The following METTL24 variants were observed in gnomAD, a reference collection of about 807,000 sequenced individuals.
The protein encoded by METTL24 is probable methyltransferase-like protein 24.
Under a neutral mutation model 32.7 loss-of-function variants are expected in METTL24, and 29 were observed. That is an observed-to-expected ratio of 0.89 (90% CI 0.66 to 1.21). METTL24 has a LOEUF of 1.21. Ranked by LOEUF, METTL24 falls within the 50% of genes most tolerant of loss-of-function variation. The pLI, the probability that METTL24 is intolerant of heterozygous loss-of-function variation, is 0.00. For missense variants in METTL24, 439 were observed against 468.1 expected (o/e 0.94, Z 0.57); for synonymous variants, 163 against 179.5 (o/e 0.91, Z 0.73).
Position 110,246,002 on chromosome 6 carries a change from TG to T in METTL24, c.1044del (p.Asp348GlufsTer11). ...GTATAACAGCTACTTGCATTGAAAA[TG>T]TCTTTCTTCAAGAATAGCTGAGGTT... is the stretch of plus-strand genomic sequence containing the variant. ...LSKPQLFLKKDIFNASSCYTL... is the reference protein window; with the variant it reads ...LSKPQLFLKKXIFNASSCYTL... On this transcript the variant is annotated frameshift_variant, in exon 5 of 5. Coordinates refer to ENST00000338882, the MANE Select transcript of METTL24 (RefSeq NM_001123364.3). LOFTEE classifies it high-confidence loss of function. The T allele has an allele frequency of 6.2e-7, 1 of 1,614,212 alleles. No homozygotes were observed. Among genetic ancestry groups the T allele is most frequent in the Non-Finnish European group, 8.5e-7 (1 of 1,180,022 alleles).
At chr6:110,319,396 T>C (rs1771887881) in intron 2 of METTL24, among the ~76,000 whole-genome samples, 1 of 148,496 alleles carries the variant, frequency 6.7e-6, no homozygotes, top group South Asian at 2.2e-4. Flanking sequence ...GATAGATGGG[T>C]AGATAACTAG....
rs576956404 is a variant in METTL24, at chr6:110,283,751, T to C, written c.786+15171A>G. Among the ~76,000 whole-genome samples the C allele has an allele frequency of 2.6e-5, 4 of 152,292 alleles. No individual in the cohort carries two copies. The South Asian group carries it at 6.2e-4, about 24-fold the overall frequency. On this transcript the variant is annotated intron_variant, in intron 4 of 4. Coordinates refer to ENST00000338882, the MANE Select transcript of METTL24 (RefSeq NM_001123364.3). ...GGAGTGTAAAATTATGTACCTGCTA[T>C]GGAAAACAGTTATGGTGGTTCCTCA...
chr6:110,340,829 G>A (rs752484323), intron 1 of METTL24, among the ~76,000 whole-genome samples: 20 of 152,078 alleles, frequency 1.3e-4, no homozygotes, highest in South Asian at 2.1e-4. Flanking sequence ...CCTGCTGTAC[G>A]TTCTCTATTT....
chr6:110,322,680 G>C, intron 2 of METTL24, 94 bp downstream of exon 2: 1 of 954,470 alleles, frequency 1.0e-6, no homozygotes, highest in South Asian at 1.6e-5. Flanking sequence ...TCCTCATCAG[G>C]AGTCGCTGAG....
At chr6:110,338,046 G>T (rs1410139918) in intron 1 of METTL24, among the ~76,000 whole-genome samples, 1 of 152,198 alleles carries the variant, frequency 6.6e-6, no homozygotes, top group Non-Finnish European at 1.5e-5. Flanking sequence ...TTAAATGCCA[G>T]GGAGGAAAGA....
chr6:110,286,242 G>T (rs1447662619), intron 4 of METTL24, among the ~76,000 whole-genome samples: 1 of 152,154 alleles, frequency 6.6e-6, no homozygotes, highest in Non-Finnish European at 1.5e-5. Context: ...ACAAAAGAGG[G>T]TGCGGGATTT....
chr6:110,317,711 C>T (rs531917005), intron 2 of METTL24, among the ~76,000 whole-genome samples: 1 of 152,158 alleles, frequency 6.6e-6, no homozygotes, highest in East Asian at 1.9e-4. Flanking sequence ...GTTTGCAGGA[C>T]CTTGCTCATC....
intron 3 of METTL24, among the ~76,000 whole-genome samples, chr6:110,313,897 A>G (rs567549853): frequency 6.6e-6 from 1 of 152,330 alleles, no homozygotes; most frequent in East Asian, 1.9e-4. Context: ...GTATGTGCCA[A>G]GCTCCACCAA....
intron 3 of METTL24, among the ~76,000 whole-genome samples, chr6:110,302,432 C>T (rs1331018417): frequency 7.3e-6 from 1 of 136,338 alleles, no homozygotes; most frequent in African/African-American, 3.0e-5. Flanking sequence ...TATACACACA[C>T]ATATGTGTAT....
chr6:110,256,181 AACAC>A (rs955326125), intron 4 of METTL24, among the ~76,000 whole-genome samples: 6 of 152,086 alleles, frequency 3.9e-5, no homozygotes, highest in Non-Finnish European at 8.8e-5. Flanking sequence ...ACACACACAC[AACAC>A]ACACACATGA....
rs376467424 is a variant in METTL24 at position 110,253,508 on chromosome 6, A to G, written c.787-7248T>C. Among the ~76,000 whole-genome samples, 22 of 152,354 alleles carry G rather than the reference A, an allele frequency of 1.4e-4. No homozygotes were observed. In the South Asian group the frequency reaches 2.1e-3, roughly 14 times the overall value. On this transcript the variant is annotated intron_variant, in intron 4 of 4. Coordinates refer to ENST00000338882, the MANE Select transcript of METTL24 (RefSeq NM_001123364.3). ...AAAAGTTACTTGTATTGTGTCAAGT[A>G]CTATATATTCTAAAGCTGTGAGTTC...
At chr6:110,341,978 G>A (rs1263821885) in intron 1 of METTL24, among the ~76,000 whole-genome samples, 1 of 152,204 alleles carries the variant, frequency 6.6e-6, no homozygotes, top group African/African-American at 2.4e-5. Flanking sequence ...TCATTAGAAT[G>A]AGGTGACAAC....
At chr6:110,268,849 A>T (rs1770905370) in intron 4 of METTL24, among the ~76,000 whole-genome samples, 1 of 152,098 alleles carries the variant, frequency 6.6e-6, no homozygotes, top group African/African-American at 2.4e-5. Flanking sequence ...ACTGCCACAA[A>T]GCCCCTCCCT....
chr6:110,353,768 TG>T (rs1772656084), intron 1 of METTL24, among the ~76,000 whole-genome samples: 1 of 152,010 alleles, frequency 6.6e-6, no homozygotes, highest in South Asian at 2.1e-4. Context: ...AAATGGGCCC[TG>T]TATGTTGCAT....
At chr6:110,318,190 T>C (rs2114750013) in intron 2 of METTL24, among the ~76,000 whole-genome samples, 1 of 152,310 alleles carries the variant, frequency 6.6e-6, no homozygotes, top group African/African-American at 2.4e-5. Flanking sequence ...TTTGCTAAAG[T>C]CAGGAACTAG....
intron 4 of METTL24, among the ~76,000 whole-genome samples, chr6:110,288,393 T>C (rs995907271): frequency 2.0e-5 from 3 of 152,202 alleles, no homozygotes; most frequent in Non-Finnish European, 4.4e-5. Flanking sequence ...ACATATACAT[T>C]ACATTTGAGA....
chr6:110,274,265 GTATTTTTA>G (rs555527232), intron 4 of METTL24, among the ~76,000 whole-genome samples: 7 of 152,084 alleles, frequency 4.6e-5, no homozygotes, highest in Non-Finnish European at 1.0e-4. Context: ...GCTAATTTTT[GTATTTTTA>G]GTAGAGACAG....
At chr6:110,275,630 G>C (rs1771034217) in intron 4 of METTL24, among the ~76,000 whole-genome samples, 1 of 152,094 alleles carries the variant, frequency 6.6e-6, no homozygotes, top group South Asian at 2.1e-4. Flanking sequence ...GTCTTTTTGG[G>C]CAAGGACCTT....
intron 4 of METTL24, among the ~76,000 whole-genome samples, chr6:110,251,287 G>A (rs953089929): frequency 6.6e-6 from 1 of 152,144 alleles, no homozygotes; most frequent in African/African-American, 2.4e-5. Context: ...TAGTACAGTG[G>A]ACTGGAACTT....
Sources: gnomAD v4.1 joint callset for allele counts (sites outside exome capture counted in the v4.1 genomes callset) on GRCh38, gnomAD v4.1.1 for gene constraint, MANE v1.5 for transcripts, NCBI Gene and HGNC (gene_info 2026-07-23, HGNC 2026-07-21) for gene names.